The following PDE8B variants were observed in gnomAD, a reference collection of about 807,000 sequenced individuals.
PDE8B encodes the protein phosphodiesterase 8B, also known as high affinity cAMP-specific and IBMX-insensitive 3',5'-cyclic phosphodiesterase 8B.
PDE8B carries 26 observed loss-of-function variants against 101.3 expected under a neutral mutation model. That is an observed-to-expected ratio of 0.26 (90% CI 0.19 to 0.36). The LOEUF (loss-of-function observed/expected upper bound fraction) is 0.36. Among genes scored for constraint, PDE8B ranks in the 10% least tolerant of loss-of-function variants. PDE8B has a pLI of 1.00. For synonymous variants in PDE8B, 424 were observed against 429.3 expected (o/e 0.99, Z 0.15); for missense variants, 810 against 1,163.1 (o/e 0.70, Z 4.42).
chr5:77,097,685 T>TA, the PDE8B span, among the ~76,000 whole-genome samples: 12 of 18,142 alleles, frequency 6.6e-4, no homozygotes, highest in African/African-American at 1.5e-3. Flanking sequence ...TGTGGAGATT[T>TA]TATATATCTA....
At position 77,312,104 on chromosome 5, in the gene PDE8B, T is replaced by G. The variant is rs374698695; in HGVS notation, c.399+51T>G. On this transcript the variant is annotated intron_variant, in intron 2 of 21. Coordinates refer to ENST00000264917, the MANE Select transcript of PDE8B (RefSeq NM_003719.5). ...GACTCAGATTATTTTCTTTTTTTTT[T>G]CTTTTTTTTTTTTTTTTGAGATGGA... 570 of 1,211,128 alleles carry G rather than the reference T, an allele frequency of 4.7e-4. 5 individuals are homozygous for G. The African/African-American group carries it at 0.011, about 24-fold the overall frequency. The allele number at this position is 1,211,128 out of a possible 1,614,324, so 75.0% of individuals were successfully genotyped here. A position where few individuals can be genotyped will look rare whatever the true frequency, so the allele number is the denominator to read the frequency against.
the PDE8B span, among the ~76,000 whole-genome samples, chr5:77,096,941 T>C: frequency 6.6e-6 from 1 of 152,220 alleles, no homozygotes; most frequent in South Asian, 2.1e-4. Context: ...CTTCAACAGA[T>C]CTTTTGCAGG....
intron 4 of PDE8B, among the ~76,000 whole-genome samples, chr5:77,329,261 A>G (rs1776654662): frequency 6.6e-6 from 1 of 152,136 alleles, no homozygotes; most frequent in Admixed American, 6.6e-5. Context: ...TATCTTGTGT[A>G]ATTGCCTTTA....
At position 77,324,104 on chromosome 5, in the gene PDE8B, G is replaced by A. The variant is rs193010707; in HGVS notation, c.400-1435G>A. Among the ~76,000 whole-genome samples the A allele has an allele frequency of 9.2e-5, 14 of 152,322 alleles. No homozygotes were observed. In the East Asian group the frequency reaches 2.7e-3, roughly 29 times the overall value. On this transcript the variant is annotated intron_variant, in intron 2 of 21. Coordinates refer to ENST00000264917, the MANE Select transcript of PDE8B (RefSeq NM_003719.5). ...GACTATTGACTCAAAAGCTCTTCAT[G>A]TTGAGAAACTACCCTTCTATTGTTA...
chr5:77,318,696 T>A (rs1230509552), intron 2 of PDE8B, among the ~76,000 whole-genome samples: 1 of 151,940 alleles, frequency 6.6e-6, no homozygotes, highest in Non-Finnish European at 1.5e-5. Flanking sequence ...TCTCAGACCA[T>A]TTTTTTTCAG....
At chr5:77,418,161 A>C (rs1335020353) in intron 17 of PDE8B, 68 bp from the exon 18 acceptor site, 1 of 1,039,902 alleles carries the variant, frequency 9.6e-7, no homozygotes, top group East Asian at 2.4e-5. Flanking sequence ...CCCTCCGCAC[A>C]GACAAGGATG....
chr5:77,407,466 C>T lies in PDE8B; in HGVS notation c.1365+9C>T, dbSNP rs148753283. ...AGGCTCCCATCACAAAGGTGAGTGGCGGCTGCTGCCTGCACTCTGCAGTCA... is the reference window on the plus strand; with the variant it reads ...AGGCTCCCATCACAAAGGTGAGTGGTGGCTGCTGCCTGCACTCTGCAGTCA... On this transcript the variant is annotated intron_variant, in intron 13 of 21. Transcript: ENST00000264917. The T allele has an allele frequency of 2.0e-5, 32 of 1,599,734 alleles. No individual in the cohort carries two copies. Among genetic ancestry groups the T allele is most frequent in the Admixed American group, 1.3e-4 (8 of 59,982 alleles).
chr5:77,355,879 G>A (rs1012283643), intron 10 of PDE8B, among the ~76,000 whole-genome samples: 4 of 152,244 alleles, frequency 2.6e-5, no homozygotes, highest in Middle Eastern at 3.4e-3. Context: ...GTAAAATAGG[G>A]GCCAAGAAAC....
chr5:77,152,031 A>G, the PDE8B span: 1 of 151,552 alleles, frequency 6.6e-6, no homozygotes, highest in Non-Finnish European at 1.5e-5. Context: ...TTAGGTTACT[A>G]TCAGACTCTG....
At chr5:77,221,009 G>A (rs1169584276) in intron 1 of PDE8B, among the ~76,000 whole-genome samples, 1 of 152,188 alleles carries the variant, frequency 6.6e-6, no homozygotes, top group East Asian at 1.9e-4. Flanking sequence ...AGGTAAAAAG[G>A]GGTGTGTCGA....
chr5:77,298,184 G>C (rs1769041582), intron 1 of PDE8B, among the ~76,000 whole-genome samples: 1 of 152,162 alleles, frequency 6.6e-6, no homozygotes, highest in Non-Finnish European at 1.5e-5. Flanking sequence ...CCATCATAAG[G>C]AAACAGTGCC....
the PDE8B span, among the ~76,000 whole-genome samples, chr5:77,095,802 A>G: frequency 6.6e-6 from 1 of 152,232 alleles, no homozygotes; most frequent in Admixed American, 6.5e-5. Flanking sequence ...TCTTCTCCCC[A>G]AGCTTCACCA....
intron 1 of PDE8B, among the ~76,000 whole-genome samples, chr5:77,247,778 C>T (rs10036386): frequency 0.41 from 61,843 of 151,886 alleles, 13,149 homozygotes; most frequent in East Asian, 0.75. Context: ...TGGTTTCCCT[C>T]AAGAGAGGTG....
the PDE8B span, among the ~76,000 whole-genome samples, chr5:77,136,833 T>C: frequency 1.1e-4 from 16 of 152,206 alleles, no homozygotes; most frequent in African/African-American, 3.6e-4. Context: ...TACTAGAAAC[T>C]TCTGGTTCAG....
intron 6 of PDE8B, among the ~76,000 whole-genome samples, chr5:77,343,194 A>G (rs1461997051): frequency 4.6e-5 from 7 of 152,202 alleles, no homozygotes; most frequent in African/African-American, 7.2e-5. Context: ...CCCTCAAAGC[A>G]TATTATTAAC....
At chr5:77,162,164 A>G in the PDE8B span, among the ~76,000 whole-genome samples, 1 of 152,038 alleles carries the variant, frequency 6.6e-6, no homozygotes. Flanking sequence ...AAAAATTTTT[A>G]AATGATTATT....
chr5:77,100,001 A>G, the PDE8B span, among the ~76,000 whole-genome samples: 1 of 152,246 alleles, frequency 6.6e-6, no homozygotes, highest in African/African-American at 2.4e-5. Context: ...TCAGCAAGGC[A>G]TTTGATACTG....
At chr5:77,117,641 C>A in the PDE8B span, among the ~76,000 whole-genome samples, 1,202 of 152,222 alleles carry the variant, frequency 7.9e-3, 16 homozygotes, top group African/African-American at 0.028. Flanking sequence ...TACTATATAC[C>A]AGACAGCGAG....
At chr5:77,307,682 C>T (rs777038445) in intron 1 of PDE8B, among the ~76,000 whole-genome samples, 6 of 152,070 alleles carry the variant, frequency 3.9e-5, no homozygotes, top group Non-Finnish European at 7.3e-5. Flanking sequence ...CACATGTACA[C>T]ACAAATATTT....
Sources: allele counts gnomAD v4.1 joint callset (sites outside exome capture counted in the v4.1 genomes callset), GRCh38; gene constraint gnomAD v4.1.1; transcripts MANE v1.5; gene names NCBI Gene and HGNC (gene_info 2026-07-23, HGNC 2026-07-21).